The following TMEM132D variants were observed in gnomAD, a reference collection of about 807,000 sequenced individuals.
The protein encoded by TMEM132D is transmembrane protein 132D, also known as mature OL transmembrane protein.
Under a neutral mutation model 62.3 loss-of-function variants are expected in TMEM132D, and 21 were observed. That is an observed-to-expected ratio of 0.34 (90% confidence interval 0.24 to 0.49). The LOEUF (loss-of-function observed/expected upper bound fraction) is 0.49, where lower values mean the gene tolerates loss of function less well. TMEM132D is among the 20% of genes least tolerant of loss of function. The pLI is 0.99. For synonymous variants in TMEM132D, 621 were observed against 575.6 expected, an observed-to-expected ratio of 1.08 and a Z score of -1.13; for missense variants, 1,346 against 1,402.8, an observed-to-expected ratio of 0.96 and a Z score of 0.65.
chr12:129,120,245 T>C (rs1351869497), intron 5 of TMEM132D, among the ~76,000 whole-genome samples: 2 of 152,156 alleles, frequency 1.3e-5, no homozygotes, highest in African/African-American at 2.4e-5. Context: ...GTACAGTCTA[T>C]GGGGGCAAGA....
intron 3 of TMEM132D, among the ~76,000 whole-genome samples, chr12:129,403,870 A>C (rs945730004): frequency 6.6e-6 from 1 of 152,196 alleles, no homozygotes; most frequent in South Asian, 2.1e-4. Flanking sequence ...GGGGTAGCCA[A>C]GGGATATCAA....
chr12:129,161,551 G>C (rs1339621257), intron 5 of TMEM132D, among the ~76,000 whole-genome samples: 1 of 152,194 alleles, frequency 6.6e-6, no homozygotes, highest in Non-Finnish European at 1.5e-5. Context: ...AGCTATTAAA[G>C]TAATTTCCTA....
At chr12:129,894,376 A>G (rs1275082006) in intron 1 of TMEM132D, among the ~76,000 whole-genome samples, 1 of 152,184 alleles carries the variant, frequency 6.6e-6, no homozygotes, top group Non-Finnish European at 1.5e-5. Context: ...ATTCAAGGTG[A>G]GATTTGGGAG....
Position 129,675,626 on chromosome 12 carries a change from C to T in TMEM132D, c.968+24184G>A, listed in dbSNP as rs544922831. On this transcript the variant is annotated intron_variant, in intron 2 of 8. Coordinates refer to ENST00000422113, the MANE Select transcript of TMEM132D (RefSeq NM_133448.3). ...CCATGATAAGAAGGAAAAGTTTCCTCAGGGCAATGATTTCCAATGAGGATG... is the reference window on the plus strand; with the variant it reads ...CCATGATAAGAAGGAAAAGTTTCCTTAGGGCAATGATTTCCAATGAGGATG... 5.3e-5 allele frequency among the ~76,000 whole-genome samples: 8 copies of T among 152,298 alleles called. No homozygotes were observed. In the South Asian group the frequency reaches 1.5e-3, roughly 28 times the overall value.
intron 4 of TMEM132D, among the ~76,000 whole-genome samples, chr12:129,300,174 C>T (rs766210993): frequency 6.6e-6 from 1 of 152,130 alleles, no homozygotes; most frequent in Non-Finnish European, 1.5e-5. Flanking sequence ...ATACTTGAGC[C>T]AGCTACTTAA....
At chr12:129,380,117 C>A (rs1442074867) in intron 3 of TMEM132D, among the ~76,000 whole-genome samples, 1 of 152,052 alleles carries the variant, frequency 6.6e-6, no homozygotes, top group African/African-American at 2.4e-5. Context: ...AGTAACAATG[C>A]ATTTTATTAT....
intron 5 of TMEM132D, among the ~76,000 whole-genome samples, chr12:129,200,961 G>A (rs958338745): frequency 2.0e-5 from 3 of 152,194 alleles, no homozygotes; most frequent in African/African-American, 7.2e-5. Context: ...ATTCCACTTT[G>A]ATCCACCTTA....
At chr12:129,431,380 G>A (rs1037545401) in intron 3 of TMEM132D, among the ~76,000 whole-genome samples, 4 of 152,112 alleles carry the variant, frequency 2.6e-5, no homozygotes, top group South Asian at 2.1e-4. Context: ...TCTCACAGGG[G>A]ATTTATGGCA....
At chr12:129,202,573 T>G (rs1201176710) in intron 5 of TMEM132D, among the ~76,000 whole-genome samples, 2 of 152,194 alleles carry the variant, frequency 1.3e-5, no homozygotes, top group Non-Finnish European at 2.9e-5. Flanking sequence ...CAAGAGTTCC[T>G]GCCCAAGTCT....
intron 4 of TMEM132D, among the ~76,000 whole-genome samples, chr12:129,270,502 A>T (rs1004337519): frequency 1.3e-5 from 2 of 152,226 alleles, no homozygotes; most frequent in Non-Finnish European, 2.9e-5. Context: ...ATGCGTGCCA[A>T]TGTACCGTAC....
chr12:129,884,135 T>C (rs757147601), intron 1 of TMEM132D, among the ~76,000 whole-genome samples: 1 of 152,190 alleles, frequency 6.6e-6, no homozygotes, highest in Non-Finnish European at 1.5e-5. Flanking sequence ...TCTCACTATG[T>C]TGCCCAAAAT....
intron 5 of TMEM132D, among the ~76,000 whole-genome samples, chr12:129,191,693 T>G (rs1878407798): frequency 6.6e-6 from 1 of 151,852 alleles, no homozygotes. Context: ...TCTCCTATTT[T>G]TCTTCTCTAA....
At chr12:129,505,049 A>G (rs1052724949) in intron 3 of TMEM132D, among the ~76,000 whole-genome samples, 3 of 152,154 alleles carry the variant, frequency 2.0e-5, no homozygotes, top group African/African-American at 4.8e-5. Flanking sequence ...GTTGATTTCC[A>G]GTTTTATTCC....
At chr12:129,497,128 T>C (rs747976338) in intron 3 of TMEM132D, among the ~76,000 whole-genome samples, 1 of 152,050 alleles carries the variant, frequency 6.6e-6, no homozygotes, top group Non-Finnish European at 1.5e-5. Flanking sequence ...GCCAACATAG[T>C]GAAACCCCGT....
At chr12:129,646,475 G>A (rs1451699865) in intron 2 of TMEM132D, among the ~76,000 whole-genome samples, 3 of 152,120 alleles carry the variant, frequency 2.0e-5, no homozygotes, top group African/African-American at 7.2e-5. Flanking sequence ...CTGTCAAGCT[G>A]AGACAGGGAC....
chr12:129,189,550 G>A (rs1371321410), intron 5 of TMEM132D, among the ~76,000 whole-genome samples: 1 of 152,086 alleles, frequency 6.6e-6, no homozygotes, highest in Non-Finnish European at 1.5e-5. Flanking sequence ...GCTGCCCATA[G>A]CCCACCGTGC....
intron 1 of TMEM132D, among the ~76,000 whole-genome samples, chr12:129,865,117 C>T (rs1249168136): frequency 6.6e-6 from 1 of 152,112 alleles, no homozygotes; most frequent in Non-Finnish European, 1.5e-5. Context: ...GAGGTAAGTG[C>T]CGTAAAAGTG....
chr12:129,896,813 T>C (rs1480276547), intron 1 of TMEM132D, among the ~76,000 whole-genome samples: 5 of 152,190 alleles, frequency 3.3e-5, no homozygotes, highest in Non-Finnish European at 7.3e-5. Flanking sequence ...TTACTTTATA[T>C]ACTTTACTTA....
At chr12:129,238,715 A>G (rs1407991396) in intron 4 of TMEM132D, among the ~76,000 whole-genome samples, 1 of 152,214 alleles carries the variant, frequency 6.6e-6, no homozygotes, top group Non-Finnish European at 1.5e-5. Flanking sequence ...CATATTGCTC[A>G]TCCGTTCATC....
Sources: gnomAD v4.1 joint callset for allele counts (sites outside exome capture counted in the v4.1 genomes callset) on GRCh38, gnomAD v4.1.1 for gene constraint, MANE v1.5 for transcripts, NCBI Gene and HGNC (gene_info 2026-07-23, HGNC 2026-07-21) for gene names.